Variants in PARM1 observed in about 807,000 individuals in gnomAD.
PARM1 encodes the protein WSC4, cell wall integrity and stress response component 4 homolog.
A neutral mutation model predicts 24.6 loss-of-function variants in PARM1; 14 were observed. That is an observed-to-expected ratio of 0.57 (90% CI 0.38 to 0.89). The LOEUF (loss-of-function observed/expected upper bound fraction) is 0.89. Among genes scored for constraint, PARM1 ranks in the 40% least tolerant of loss-of-function variants. The probability of loss-of-function intolerance (pLI) is 0.00; values close to 1 mark genes in which losing one functional copy is unlikely to be tolerated. For missense variants in PARM1, 362 were observed against 380.4 expected (o/e 0.95, Z 0.40); for synonymous variants, 179 against 156.6 (o/e 1.14, Z -1.07).
intron 1 of PARM1, among the ~76,000 whole-genome samples, chr4:74,946,680 A>T (rs759689336): frequency 3.3e-5 from 5 of 152,216 alleles, no homozygotes; most frequent in Admixed American, 6.5e-5. Flanking sequence ...AGGACTCAAA[A>T]CCACTTAATG....
chr4:74,966,176 T>C (rs1721897140), intron 1 of PARM1, among the ~76,000 whole-genome samples: 1 of 152,232 alleles, frequency 6.6e-6, no homozygotes, highest in Non-Finnish European at 1.5e-5. Context: ...GGACAGTGGT[T>C]GTCGCCAAAG....
chr4:75,000,183 A>G (rs922349893), intron 1 of PARM1, among the ~76,000 whole-genome samples: 2 of 152,204 alleles, frequency 1.3e-5, no homozygotes, highest in Admixed American at 1.3e-4. Context: ...ATTAGCAGTT[A>G]CAAGAGTTGA....
At chr4:74,949,377 GGCACGATCTCGGCTCACT>G (rs1333302657) in intron 1 of PARM1, among the ~76,000 whole-genome samples, 16 of 152,150 alleles carry the variant, frequency 1.1e-4, no homozygotes, top group Non-Finnish European at 2.1e-4. Flanking sequence ...GGAGTGCAGT[GGCACGATCTCGGCTCACT>G]GCAAGCTCCG....
chr4:74,983,891 G>A (rs1024712228), intron 1 of PARM1, among the ~76,000 whole-genome samples: 4 of 151,868 alleles, frequency 2.6e-5, no homozygotes, highest in Admixed American at 6.6e-5. Context: ...TGGTGGTCTC[G>A]CTACGTTGCC....
intron 3 of PARM1, among the ~76,000 whole-genome samples, chr4:75,036,188 G>A (rs1723367320): frequency 6.6e-6 from 1 of 152,172 alleles, no homozygotes; most frequent in Non-Finnish European, 1.5e-5. Flanking sequence ...CTGAAGTGTG[G>A]AGTGAAATAG....
chr4:74,933,371 G>GT lies in PARM1; in HGVS notation c.43+2dup. The GT allele has an allele frequency of 6.2e-7, 1 of 1,612,638 alleles. No individual in the cohort carries two copies. The highest frequency in any genetic ancestry group is 8.5e-7 in the Non-Finnish European group (1 of 1,179,326). ...TTCGCTCTTTGCATCTTAACTGCAG[G>GT]TAATTGGCGCCATCCTCCCGGAAGG... On this transcript the variant is annotated splice_donor_variant, in intron 1 of 3. Transcript: ENST00000307428. LOFTEE classifies it high-confidence loss of function.
chr4:75,039,391 G>T (rs965791349), intron 3 of PARM1, among the ~76,000 whole-genome samples: 26 of 151,994 alleles, frequency 1.7e-4, no homozygotes, highest in African/African-American at 6.0e-4. Flanking sequence ...AAAATTAGCT[G>T]GCCCTGGTGG....
chr4:74,937,207 T>C (rs1296701285), intron 1 of PARM1, among the ~76,000 whole-genome samples: 2 of 152,198 alleles, frequency 1.3e-5, no homozygotes, highest in Non-Finnish European at 2.9e-5. Flanking sequence ...ATCACACATA[T>C]ATTAAAATAC....
chr4:75,023,325 G>A (rs1182261037), intron 2 of PARM1, among the ~76,000 whole-genome samples: 1 of 152,158 alleles, frequency 6.6e-6, no homozygotes, highest in Non-Finnish European at 1.5e-5. Context: ...TATGATGAGG[G>A]TAATTATAGT....
intron 1 of PARM1, among the ~76,000 whole-genome samples, chr4:74,960,360 T>C (rs1721743029): frequency 6.6e-6 from 1 of 152,174 alleles, no homozygotes; most frequent in Non-Finnish European, 1.5e-5. Context: ...ATTTAAAGTC[T>C]AAGACTTCTA....
chr4:74,990,056 G>C (rs768844211), intron 1 of PARM1, among the ~76,000 whole-genome samples: 1 of 152,118 alleles, frequency 6.6e-6, no homozygotes, highest in Non-Finnish European at 1.5e-5. Flanking sequence ...AAAACTTATG[G>C]AACTAGAGGA....
chr4:75,045,680 G>A (rs1723588460), intron 3 of PARM1, among the ~76,000 whole-genome samples: 1 of 152,158 alleles, frequency 6.6e-6, no homozygotes, highest in South Asian at 2.1e-4. Context: ...TTATTTTGAG[G>A]ATCAAGTAAA....
chr4:74,992,507 TAA>T (rs1193234590), intron 1 of PARM1, among the ~76,000 whole-genome samples: 2 of 151,868 alleles, frequency 1.3e-5, no homozygotes, highest in Non-Finnish European at 2.9e-5. Context: ...CAAATTCAAA[TAA>T]AAGAAACATG....
chr4:74,965,045 T>C (rs533776776), intron 1 of PARM1: 2 of 152,192 alleles, frequency 1.3e-5, no homozygotes, highest in Admixed American at 1.3e-4. Context: ...TGTTTAACAC[T>C]TGAGCAAAGT....
At chr4:74,968,619 T>G (rs1286611291) in intron 1 of PARM1, among the ~76,000 whole-genome samples, 8 of 152,232 alleles carry the variant, frequency 5.3e-5, no homozygotes, top group Admixed American at 4.6e-4. Context: ...TCTTGTTGAC[T>G]GCAGAGATAA....
At chr4:74,970,620 C>T (rs919882056) in intron 1 of PARM1, among the ~76,000 whole-genome samples, 1 of 152,190 alleles carries the variant, frequency 6.6e-6, no homozygotes, top group Non-Finnish European at 1.5e-5. Context: ...TTGCCTGGCA[C>T]ATGGATTGCC....
chr4:74,973,896 A>AGG (rs1722089738), intron 1 of PARM1, among the ~76,000 whole-genome samples: 1 of 151,586 alleles, frequency 6.6e-6, no homozygotes, highest in South Asian at 2.1e-4. Context: ...AGAGAGAGAG[A>AGG]GAGAAAGAAA....
intron 1 of PARM1, among the ~76,000 whole-genome samples, chr4:74,996,543 T>C (rs980295101): frequency 4.6e-5 from 7 of 152,286 alleles, no homozygotes; most frequent in African/African-American, 1.7e-4. Flanking sequence ...AATTTGGTGA[T>C]AAAATGTCAT....
At chr4:75,031,199 C>G (rs1723268512) in intron 2 of PARM1, among the ~76,000 whole-genome samples, 1 of 152,136 alleles carries the variant, frequency 6.6e-6, no homozygotes, top group South Asian at 2.1e-4. Flanking sequence ...GACTCTTGTT[C>G]CCATGGCTGG....
Sources: gnomAD v4.1 joint callset for allele counts (sites outside exome capture counted in the v4.1 genomes callset) on GRCh38, gnomAD v4.1.1 for gene constraint, MANE v1.5 for transcripts, NCBI Gene and HGNC (gene_info 2026-07-23, HGNC 2026-07-21) for gene names.